GNAO1: variants seen among roughly 807,000 people sequenced by gnomAD.
The protein encoded by GNAO1 is guanine nucleotide-binding protein G(o) subunit alpha.
For missense variants in GNAO1, 166 were observed against 478.7 expected (o/e 0.35, Z 6.10); for synonymous variants, 164 against 180.7 (o/e 0.91, Z 0.74).
chr16:56,226,520 T>C (rs1156537752), intron 2 of GNAO1: 2 of 152,244 alleles, frequency 1.3e-5, no homozygotes, highest in Non-Finnish European at 2.9e-5. Flanking sequence ...CTGAAGAGCA[T>C]TCCATGGCTT....
intron 5 of GNAO1, among the ~76,000 whole-genome samples, chr16:56,335,187 T>TG (rs36054609): frequency 6.6e-6 from 1 of 151,986 alleles, no homozygotes; most frequent in Non-Finnish European, 1.5e-5. Flanking sequence ...AAGGTCACCT[T>TG]GGGGGGAGGA....
At chr16:56,297,521 T>A (rs1387792331) in intron 3 of GNAO1, among the ~76,000 whole-genome samples, 1 of 109,820 alleles carries the variant, frequency 9.1e-6, no homozygotes, top group Non-Finnish European at 2.0e-5. Context: ...TTTGTCTAAC[T>A]GGTGTGTGTG....
chr16:56,292,185 C>G (rs2037239428), intron 3 of GNAO1, among the ~76,000 whole-genome samples: 1 of 152,156 alleles, frequency 6.6e-6, no homozygotes, highest in Admixed American at 6.5e-5. Flanking sequence ...TTGGGGGCTT[C>G]TAAGGCTGTG....
intron 2 of GNAO1, among the ~76,000 whole-genome samples, chr16:56,223,413 G>C (rs1283625377): frequency 2.0e-5 from 3 of 152,158 alleles, no homozygotes; most frequent in African/African-American, 7.2e-5. Context: ...CTCTTTCTCT[G>C]ATCCAGCCAG....
chr16:56,215,975 G>A (rs11076145), intron 2 of GNAO1, among the ~76,000 whole-genome samples: 68,604 of 151,948 alleles, frequency 0.45, 15,640 homozygotes, highest in East Asian at 0.58. Flanking sequence ...TCCACAGCTT[G>A]GATGTGTACC....
chr16:56,340,776 C>A, intron 6 of GNAO1: 2 of 1,524,508 alleles, frequency 1.3e-6, no homozygotes, highest in Non-Finnish European at 1.8e-6. Flanking sequence ...TCATTGGCCG[C>A]GGTGGGTCAG....
chr16:56,205,739 A>G (rs1469794635), intron 2 of GNAO1, among the ~76,000 whole-genome samples: 1 of 152,234 alleles, frequency 6.6e-6, no homozygotes, highest in African/African-American at 2.4e-5. Flanking sequence ...TTCTTTACTA[A>G]GATAGACAAG....
intron 2 of GNAO1, among the ~76,000 whole-genome samples, chr16:56,269,059 C>A (rs1262605897): frequency 6.6e-6 from 1 of 152,042 alleles, no homozygotes; most frequent in Non-Finnish European, 1.5e-5. Flanking sequence ...AAGCACTGGG[C>A]CCTGACCCTA....
intron 5 of GNAO1, among the ~76,000 whole-genome samples, chr16:56,335,650 G>A (rs559958460): frequency 6.6e-6 from 1 of 152,318 alleles, no homozygotes; most frequent in South Asian, 2.1e-4. Context: ...CGCAGATCTG[G>A]GGAGCAAAAC....
intron 2 of GNAO1, among the ~76,000 whole-genome samples, chr16:56,269,248 G>C (rs759555982): frequency 6.6e-6 from 1 of 152,072 alleles, no homozygotes; most frequent in Non-Finnish European, 1.5e-5. Context: ...CCCCTCTGCC[G>C]CTCTTCTTTT....
chr16:56,323,500 G>A (rs1458400770), intron 3 of GNAO1, among the ~76,000 whole-genome samples: 1 of 152,060 alleles, frequency 6.6e-6, no homozygotes, highest in Non-Finnish European at 1.5e-5. Context: ...AGTTGCTAGA[G>A]CTCCAGCCAT....
intron 4 of GNAO1, among the ~76,000 whole-genome samples, chr16:56,333,754 T>G (rs1202925368): frequency 1.3e-5 from 2 of 152,228 alleles, no homozygotes; most frequent in African/African-American, 4.8e-5. Flanking sequence ...CCCCAGCAGG[T>G]CCTGGAGCAG....
intron 6 of GNAO1, chr16:56,340,956 C>T (rs1371232879): frequency 1.2e-6 from 2 of 1,613,992 alleles, no homozygotes; most frequent in Non-Finnish European, 8.5e-7. Context: ...TCAAGAAGTC[C>T]CCGCTCACCA....
intron 3 of GNAO1, among the ~76,000 whole-genome samples, chr16:56,284,827 C>A (rs926721705): frequency 6.6e-6 from 1 of 152,188 alleles, no homozygotes; most frequent in East Asian, 1.9e-4. Context: ...ATATGCATGG[C>A]CTGAACAGAT....
intron 3 of GNAO1, among the ~76,000 whole-genome samples, chr16:56,280,157 T>C (rs1439669662): frequency 6.6e-6 from 1 of 152,218 alleles, no homozygotes; most frequent in African/African-American, 2.4e-5. Flanking sequence ...GAGCTGGTCA[T>C]CTTCTTGGGA....
chr16:56,315,312 T>G (rs1447899233), intron 3 of GNAO1, among the ~76,000 whole-genome samples: 1 of 152,246 alleles, frequency 6.6e-6, no homozygotes, highest in Non-Finnish European at 1.5e-5. Context: ...TCCCTTTGAC[T>G]GAGCTCTGTG....
intron 6 of GNAO1, chr16:56,345,487 A>G: frequency 1.0e-6 from 1 of 985,474 alleles, no homozygotes; most frequent in Non-Finnish European, 1.2e-6. Context: ...TGTTGGACCC[A>G]CAGGCACAGA....
At chr16:56,334,999 AG>A (rs1266146845) in intron 5 of GNAO1, 142 bp downstream of exon 5, 44 of 796,578 alleles carry the variant, frequency 5.5e-5, no homozygotes, top group Non-Finnish European at 8.4e-5. Flanking sequence ...AGATACTAGA[AG>A]GAACCTGTCT....
intron 2 of GNAO1, among the ~76,000 whole-genome samples, chr16:56,246,467 G>A (rs992879151): frequency 7.2e-5 from 11 of 152,060 alleles, no homozygotes; most frequent in Non-Finnish European, 1.5e-4. Flanking sequence ...CCCCACCATC[G>A]CCCAGTCCTG....
Sources: gnomAD v4.1 joint callset for allele counts (sites outside exome capture counted in the v4.1 genomes callset) on GRCh38, gnomAD v4.1.1 for gene constraint, MANE v1.5 for transcripts, NCBI Gene and HGNC (gene_info 2026-07-23, HGNC 2026-07-21) for gene names.